Variants in APLF observed in about 807,000 individuals in gnomAD.
The protein encoded by APLF is aprataxin and PNK-like factor.
A neutral mutation model predicts 55.6 loss-of-function variants in APLF; 61 were observed. That is an observed-to-expected ratio of 1.10 (90% confidence interval 0.89 to 1.36). APLF has a LOEUF of 1.36. APLF is among the 40% of genes most tolerant of loss of function. The pLI is 0.00. For missense variants in APLF, 611 were observed against 602.5 expected (o/e 1.01, Z -0.15); for synonymous variants, 207 against 214.8 (o/e 0.96, Z 0.32).
chr2:68,477,847 A>C (rs1675826305), intron 1 of APLF, among the ~76,000 whole-genome samples: 1 of 152,094 alleles, frequency 6.6e-6, no homozygotes. Flanking sequence ...AAACCATCAG[A>C]TCTCGTGAGA....
At chr2:68,576,437 A>G (rs986982743) in intron 9 of APLF, among the ~76,000 whole-genome samples, 1 of 152,184 alleles carries the variant, frequency 6.6e-6, no homozygotes, top group Non-Finnish European at 1.5e-5. Flanking sequence ...TGAGCTTCCT[A>G]CTATAATGAT....
chr2:68,490,388 C>A, intron 2 of APLF, 127 bp downstream of exon 2: 1 of 600,814 alleles, frequency 1.7e-6, no homozygotes, highest in Non-Finnish European at 2.7e-6. Flanking sequence ...TTCTCATTGC[C>A]AGAAAATAAT....
intron 8 of APLF, among the ~76,000 whole-genome samples, chr2:68,562,649 G>A (rs771880815): frequency 6.6e-6 from 1 of 151,968 alleles, no homozygotes; most frequent in Non-Finnish European, 1.5e-5. Context: ...TTTGAACTTA[G>A]GTAGTAGTAT....
At chr2:68,563,185 G>C (rs1671211860) in intron 8 of APLF, 7 of 985,244 alleles carry the variant, frequency 7.1e-6, no homozygotes, top group Non-Finnish European at 8.4e-6. Context: ...TTTATGAAAA[G>C]AGCACGTTCT....
In APLF at chr2:68,493,334, A is replaced by C. The variant is rs143045464; in HGVS notation, c.168+3073A>C. 6.5e-3 allele frequency among the ~76,000 whole-genome samples: 996 copies of C among 152,236 alleles called. 7 individuals carry two copies. The highest frequency in any genetic ancestry group is 0.023 in the African/African-American group (949 of 41,528). ...GGGACAGTTATCTGTTTGGAAAAAA[A>C]AATTAGATCCCTACTGCAGACCCAA... On this transcript the variant is annotated intron_variant, in intron 2 of 9. Coordinates refer to ENST00000303795, the MANE Select transcript of APLF (RefSeq NM_173545.3).
rs72901906 is a variant in APLF, at chr2:68,510,851, A to G, written c.342-2229A>G. On this transcript the variant is annotated intron_variant, in intron 3 of 9. Coordinates refer to ENST00000303795, the MANE Select transcript of APLF (RefSeq NM_173545.3). ...GAATATTATTTGGCCATAAAGAGGA[A>G]TGAAATATTTACATATGCTACAACA... 6.5e-3 allele frequency among the ~76,000 whole-genome samples: 992 copies of G among 151,988 alleles called. 7 individuals carry two copies. The highest frequency in any genetic ancestry group is 0.023 in the African/African-American group (948 of 41,544).
chr2:68,539,025 T>G (rs1388851626), intron 7 of APLF, among the ~76,000 whole-genome samples: 2 of 152,218 alleles, frequency 1.3e-5, no homozygotes, highest in Non-Finnish European at 2.9e-5. Context: ...ATATCTTTAT[T>G]GCAATAGTAT....
chr2:68,507,186 T>C (rs1291699345), intron 3 of APLF, among the ~76,000 whole-genome samples: 1 of 151,882 alleles, frequency 6.6e-6, no homozygotes, highest in Non-Finnish European at 1.5e-5. Context: ...ATATTCTCTA[T>C]ATATTTTTGC....
intron 2 of APLF, among the ~76,000 whole-genome samples, chr2:68,492,350 C>T (rs1676398484): frequency 6.6e-6 from 1 of 151,934 alleles, no homozygotes; most frequent in South Asian, 2.1e-4. Context: ...CGGTGGTGGG[C>T]GCCTGTAGTC....
chr2:68,503,727 A>G (rs903757893), intron 3 of APLF, among the ~76,000 whole-genome samples: 11 of 152,154 alleles, frequency 7.2e-5, no homozygotes, highest in African/African-American at 2.2e-4. Flanking sequence ...GGGGAAGTTT[A>G]TAGTCGAATG....
In APLF at chr2:68,537,926, A is replaced by G; in HGVS notation, c.859A>G (p.Ile287Val). 1 of 1,612,280 alleles carries G rather than the reference A, an allele frequency of 6.2e-7. No homozygotes were observed. The highest frequency in any genetic ancestry group is 1.1e-5 in the South Asian group (1 of 90,600). Residue 287 changes from isoleucine to valine, a missense_variant, in exon 7 of 10, where the codon ATT (isoleucine) becomes GTT (valine). Coordinates refer to ENST00000303795, the MANE Select transcript of APLF (RefSeq NM_173545.3). ...ITLSNTEMNNIKTNAQRNKLP... is the reference protein window; with the variant it reads ...ITLSNTEMNNVKTNAQRNKLP... ...ATTAAGTAACACAGAGATGAATAAT[A>G]TTAAGACTAATGCACAGAGAAACAA...
intron 8 of APLF, among the ~76,000 whole-genome samples, chr2:68,556,036 A>C (rs1264097309): frequency 6.6e-6 from 1 of 152,234 alleles, no homozygotes; most frequent in Non-Finnish European, 1.5e-5. Flanking sequence ...GAATGAATTA[A>C]TGGCACTCAC....
intron 4 of APLF, 47 bp downstream of exon 4, chr2:68,513,274 A>T: frequency 6.5e-7 from 1 of 1,546,574 alleles, no homozygotes; most frequent in Non-Finnish European, 8.7e-7. Flanking sequence ...TCTTCAAGTT[A>T]TTATGAAGGC....
At chr2:68,508,500 C>G (rs1286216152) in intron 3 of APLF, among the ~76,000 whole-genome samples, 1 of 151,726 alleles carries the variant, frequency 6.6e-6, no homozygotes, top group East Asian at 1.9e-4. Context: ...ACTAAAACTA[C>G]AAAACTCTTA....
chr2:68,496,767 T>C (rs1484525528), intron 2 of APLF, among the ~76,000 whole-genome samples: 1 of 152,208 alleles, frequency 6.6e-6, no homozygotes. Flanking sequence ...ACTTGACCTT[T>C]GCTCTAGTTC....
At chr2:68,523,911 A>G (rs1240112611) in intron 5 of APLF, among the ~76,000 whole-genome samples, 4 of 151,812 alleles carry the variant, frequency 2.6e-5, no homozygotes, top group African/African-American at 9.7e-5. Flanking sequence ...ATGCAGAAAA[A>G]AAAAATTAGC....
intron 5 of APLF, chr2:68,515,794 T>G (rs1422752519): frequency 5.3e-6 from 5 of 935,322 alleles, no homozygotes; most frequent in East Asian, 1.2e-4. Flanking sequence ...CAAGATTAGG[T>G]TACTTAATTC....
intron 3 of APLF, among the ~76,000 whole-genome samples, chr2:68,506,717 C>G (rs1676881525): frequency 6.6e-6 from 1 of 151,914 alleles, no homozygotes; most frequent in Admixed American, 6.6e-5. Context: ...ACTAACTACC[C>G]TCTGCTGTAT....
intron 6 of APLF, 28 bp downstream of exon 6, chr2:68,526,270 T>A (rs1558542609): frequency 6.3e-7 from 1 of 1,585,678 alleles, no homozygotes; most frequent in African/African-American, 1.4e-5. Flanking sequence ...ATTATTTGAT[T>A]GTTTTTTTGT....
Sources: allele counts gnomAD v4.1 joint callset (sites outside exome capture counted in the v4.1 genomes callset), GRCh38; gene constraint gnomAD v4.1.1; transcripts MANE v1.5; gene names NCBI Gene and HGNC (gene_info 2026-07-23, HGNC 2026-07-21).